The following ACACA variants were observed in gnomAD, a reference collection of about 807,000 sequenced individuals.
ACACA encodes acetyl-CoA carboxylase alpha, also known as acetyl-CoA carboxylase 1.
Under a neutral mutation model 296.1 loss-of-function variants are expected in ACACA, and 103 were observed. That is an observed-to-expected ratio of 0.35 (90% CI 0.30 to 0.41). The LOEUF is 0.41. ACACA is among the 10% of genes least tolerant of loss of function. ACACA has a pLI of 1.00. For missense variants in ACACA, 1,554 were observed against 2,989.7 expected (o/e 0.52, Z 11.20); for synonymous variants, 953 against 1,038.6 (o/e 0.92, Z 1.58).
intron 9 of ACACA, among the ~76,000 whole-genome samples, chr17:37,271,168 C>A (rs1245111357): frequency 6.6e-6 from 1 of 152,092 alleles, no homozygotes; most frequent in Non-Finnish European, 1.5e-5. Flanking sequence ...ATTCATACAC[C>A]CACACATGTA....
At chr17:37,239,097 A>C (rs1248857539) in intron 24 of ACACA, among the ~76,000 whole-genome samples, 2 of 152,120 alleles carry the variant, frequency 1.3e-5, no homozygotes, top group Non-Finnish European at 1.5e-5. Context: ...CCAAAGTGCT[A>C]AGATGACAAG....
rs555245744 is a variant in ACACA, at chr17:37,282,833, C to T, written c.610+434G>A. ...CGAATTTACAGAGTGAAACACACTT[C>T]GGTCCCAAAAGGTCTCTCCCTCAGG... On this transcript the variant is annotated intron_variant, in intron 5 of 55. Transcript: ENST00000616317. Among the ~76,000 whole-genome samples, 5 of 152,180 alleles carry T rather than the reference C, an allele frequency of 3.3e-5. No individual in the cohort carries two copies. The South Asian group carries it at 6.2e-4, about 19-fold the overall frequency.
chr17:37,307,583 T>A (rs1401400600), intron 3 of ACACA, among the ~76,000 whole-genome samples: 6 of 152,092 alleles, frequency 3.9e-5, no homozygotes, highest in Non-Finnish European at 7.4e-5. Context: ...TCTTTTTTCT[T>A]ATTGTTTTGT....
chr17:37,262,698 C>T (rs2081569231), intron 11 of ACACA, among the ~76,000 whole-genome samples: 1 of 152,034 alleles, frequency 6.6e-6, no homozygotes, highest in Non-Finnish European at 1.5e-5. Flanking sequence ...GAAATAGAAA[C>T]TTACACCTTG....
intron 33 of ACACA, among the ~76,000 whole-genome samples, chr17:37,201,083 A>C (rs932816814): frequency 6.6e-6 from 1 of 152,212 alleles, no homozygotes; most frequent in Non-Finnish European, 1.5e-5. Flanking sequence ...GCAATATTTA[A>C]TAGGCCTTTA....
rs764195848 is a variant in ACACA, at chr17:37,277,113, G to A, written c.722C>T (p.Ala241Val). ...LDIAKRIPVQ[A>V]VWAGWGHASE... The stretch of plus-strand genomic sequence containing the variant: ...AGCATGACCCCAGCCAGCCCACACT[G>A]CCTGCAAGGGAATACAATATAATTC... Residue 241 changes from alanine to valine, a missense_variant and splice_region_variant, in exon 7 of 56, where the codon GCA becomes GTA. By Grantham distance (64) the Ala-to-Val change is moderately conservative (BLOSUM62 0). Transcript: ENST00000616317. 9.3e-6 allele frequency: 15 copies of A among 1,612,356 alleles called. No homozygotes were observed. The highest frequency in any genetic ancestry group is 1.3e-5 in the Non-Finnish European group (15 of 1,178,492).
intron 29 of ACACA, among the ~76,000 whole-genome samples, chr17:37,219,179 T>G (rs1042294517): frequency 6.6e-5 from 10 of 152,192 alleles, no homozygotes; most frequent in Non-Finnish European, 1.2e-4. Flanking sequence ...GCCTACGTAA[T>G]GAAGCCCTGA....
chr17:37,231,228 A>T (rs2079846290), intron 25 of ACACA, among the ~76,000 whole-genome samples: 1 of 152,112 alleles, frequency 6.6e-6, no homozygotes, highest in Non-Finnish European at 1.5e-5. Context: ...TAAAAAAAAA[A>T]AAAAAAAGCA....
At chr17:37,202,683 A>G (rs1160821623) in intron 33 of ACACA, among the ~76,000 whole-genome samples, 7 of 16,282 alleles carry the variant, frequency 4.3e-4, no homozygotes, top group African/African-American at 6.0e-4. Flanking sequence ...ATATATATAT[A>G]TATATATATA....
rs761713389 is a variant in ACACA, at chr17:37,097,115, G to A, written c.6772C>T (p.Arg2258Cys). The change falls in exon 54 of 56, where the codon CGT becomes TGT. Residue 2258 changes from arginine (R) to cysteine (C), a missense_variant. Transcript: ENST00000616317. This position sits in a 1 kb window ranked among gnomAD's most constrained non-coding sequence, Gnocchi z 4.8. ...SRTFFYWRLR[R>C]LLLEDLVKKK... ...TTGACCAGGTCCTCCAGCAGAAGAC[G>A]CCTCAGCCGCCAGTAGAAGAAGGTA... is the stretch of plus-strand genomic sequence containing the variant. 24 of 1,613,860 alleles carry A rather than the reference G, an allele frequency of 1.5e-5. No homozygotes were observed. The highest frequency in any genetic ancestry group is 1.9e-5 in the Non-Finnish European group (23 of 1,180,000).
intron 3 of ACACA, among the ~76,000 whole-genome samples, chr17:37,298,226 C>T (rs569509111): frequency 6.6e-6 from 1 of 152,208 alleles, no homozygotes; most frequent in South Asian, 2.1e-4. Flanking sequence ...GGGGCAATTA[C>T]AGAGGCAGTT....
At chr17:37,349,008 T>A (rs904735729) in intron 1 of ACACA, among the ~76,000 whole-genome samples, 2 of 151,734 alleles carry the variant, frequency 1.3e-5, no homozygotes, top group African/African-American at 4.8e-5. Context: ...TAAATATATG[T>A]TAAAACTATT....
At chr17:37,386,047 G>C in intron 1 of ACACA, 1 of 1,604,956 alleles carries the variant, frequency 6.2e-7, no homozygotes, top group Non-Finnish European at 8.5e-7. Context: ...AGTCCTGGGG[G>C]CTTCATCAGA....
Position 37,206,814 on chromosome 17 carries a change from G to A in ACACA, c.3917C>T (p.Ala1306Val), listed in dbSNP as rs370521249. 8.1e-6 allele frequency: 13 copies of A among 1,613,412 alleles called. No individual in the cohort carries two copies. In the African/African-American group the frequency reaches 1.5e-4, roughly 18 times the overall value. The change falls in exon 32 of 56, where the codon GCA becomes GTA. Residue 1306 changes from alanine (A) to valine (V), a missense_variant. Transcript: ENST00000616317. ...SPPQSPTFPE[A>V]GHTSLYDEDK... ...CTCATCATAAAGAGACGTGTGACCT[G>A]CCTCAGGGAATGTGGGACTCTGGGG...
intron 1 of ACACA, among the ~76,000 whole-genome samples, chr17:37,344,140 AC>A (rs564158466): frequency 2.7e-4 from 41 of 152,156 alleles, no homozygotes; most frequent in Non-Finnish European, 4.9e-4. Context: ...AGAAAAAAAA[AC>A]CTCTAGGCCA....
intron 9 of ACACA, among the ~76,000 whole-genome samples, chr17:37,273,155 TA>T (rs1382738037): frequency 6.6e-6 from 1 of 152,218 alleles, no homozygotes; most frequent in Non-Finnish European, 1.5e-5. Context: ...ATGTTTAACT[TA>T]AAATGCAAAC....
At chr17:37,305,078 G>C (rs540691194) in intron 3 of ACACA, among the ~76,000 whole-genome samples, 1 of 152,018 alleles carries the variant, frequency 6.6e-6, no homozygotes, top group Non-Finnish European at 1.5e-5. Flanking sequence ...AATTTCTGTT[G>C]ACTTTTTTCC....
At chr17:37,202,536 T>C (rs1174275242) in intron 33 of ACACA, among the ~76,000 whole-genome samples, 2 of 151,800 alleles carry the variant, frequency 1.3e-5, no homozygotes, top group Non-Finnish European at 2.9e-5. Flanking sequence ...ACCTATTTGA[T>C]AGTTTAATGT....
chr17:37,389,914 G>A (rs1469775707), intron 1 of ACACA, among the ~76,000 whole-genome samples: 4 of 150,244 alleles, frequency 2.7e-5, no homozygotes, highest in Non-Finnish European at 3.0e-5. Flanking sequence ...ACAATAGGGT[G>A]CTTATTGAAT....
Sources: gnomAD v4.1 joint callset for allele counts (sites outside exome capture counted in the v4.1 genomes callset) on GRCh38, gnomAD v4.1.1 for gene constraint, Gnocchi (gnomAD v3.1) non-coding constraint, MANE v1.5 for transcripts, NCBI Gene and HGNC (gene_info 2026-07-23, HGNC 2026-07-21) for gene names.